PCBP3: variants seen among roughly 807,000 people sequenced by gnomAD.
The protein encoded by PCBP3 is poly(rC)-binding protein 3.
A neutral mutation model predicts 52.7 loss-of-function variants in PCBP3; 25 were observed. The observed-to-expected ratio is 0.47, with a 90% confidence interval of 0.35 to 0.66. The LOEUF (loss-of-function observed/expected upper bound fraction) is 0.66, where lower values mean the gene tolerates loss of function less well. Among genes scored for constraint, PCBP3 ranks in the 30% least tolerant of loss-of-function variants. PCBP3 has a pLI of 0.01. For missense variants in PCBP3, 391 were observed against 490.3 expected (o/e 0.80, Z 1.91); for synonymous variants, 162 against 183.0 (o/e 0.89, Z 0.93).
At chr21:45,669,843 A>C (rs552066700) in intron 2 of PCBP3, among the ~76,000 whole-genome samples, 15 of 123,466 alleles carry the variant, frequency 1.2e-4, no homozygotes, top group Admixed American at 6.5e-4. Context: ...ATATATATAT[A>C]TATCACATTT....
chr21:45,785,029 C>T (rs1383455091), intron 4 of PCBP3, among the ~76,000 whole-genome samples: 12 of 151,476 alleles, frequency 7.9e-5, no homozygotes, highest in South Asian at 4.2e-4. Context: ...CGTCTCTGCC[C>T]GGCCGCCCAT....
intron 2 of PCBP3, among the ~76,000 whole-genome samples, chr21:45,680,017 A>G (rs2147505739): frequency 6.6e-6 from 1 of 152,330 alleles, no homozygotes; most frequent in South Asian, 2.1e-4. Flanking sequence ...CTCCAAAATC[A>G]TTTGGGCACC....
intron 4 of PCBP3, among the ~76,000 whole-genome samples, chr21:45,839,728 C>T (rs922398868): frequency 1.3e-5 from 2 of 152,100 alleles, no homozygotes; most frequent in African/African-American, 4.8e-5. Flanking sequence ...ACTTTGTTGC[C>T]CAGGCTGGAG....
At chr21:45,784,399 T>C (rs1166653475) in intron 4 of PCBP3, among the ~76,000 whole-genome samples, 4 of 141,418 alleles carry the variant, frequency 2.8e-5, no homozygotes, top group African/African-American at 1.2e-4. Context: ...CCTCTACCGC[T>C]ACCTCTACCG....
chr21:45,723,012 CAA>C (rs201388146), intron 2 of PCBP3, among the ~76,000 whole-genome samples: 2 of 136,812 alleles, frequency 1.5e-5, no homozygotes, highest in African/African-American at 5.4e-5. Context: ...AGACCCGTCT[CAA>C]AAAAAAAAAA....
chr21:45,931,980 T>C (rs56284505), intron 15 of PCBP3, among the ~76,000 whole-genome samples: 10 of 151,392 alleles, frequency 6.6e-5, no homozygotes, highest in South Asian at 4.2e-4. Flanking sequence ...AACGAACACC[T>C]GGGCCATGCT....
intron 4 of PCBP3, among the ~76,000 whole-genome samples, chr21:45,778,913 G>A (rs997836226): frequency 4.6e-5 from 7 of 152,154 alleles, no homozygotes; most frequent in African/African-American, 1.4e-4. Flanking sequence ...TGGAGCAGGT[G>A]GGTCCATCCT....
chr21:45,719,203 C>G (rs2084441818), intron 2 of PCBP3, among the ~76,000 whole-genome samples: 1 of 152,054 alleles, frequency 6.6e-6, no homozygotes, highest in African/African-American at 2.4e-5. Flanking sequence ...TTGGCTTTAC[C>G]TCAGAATTAG....
chr21:45,770,585 C>T (rs2089780774), intron 4 of PCBP3, among the ~76,000 whole-genome samples: 1 of 152,218 alleles, frequency 6.6e-6, no homozygotes, highest in South Asian at 2.1e-4. Flanking sequence ...GTCTTGCCTT[C>T]TTCCCAGCGT....
intron 2 of PCBP3, among the ~76,000 whole-genome samples, chr21:45,691,458 G>GTATGTA (rs201283940): frequency 5.5e-5 from 1 of 18,090 alleles, no homozygotes; most frequent in Non-Finnish European, 1.1e-4. Context: ...ATGTATGTAT[G>GTATGTA]TGTGTGTGTG....
At chr21:45,934,605 C>A (rs1345651197) in intron 15 of PCBP3, among the ~76,000 whole-genome samples, 1 of 152,206 alleles carries the variant, frequency 6.6e-6, no homozygotes, top group African/African-American at 2.4e-5. Flanking sequence ...CTCCTTGCTC[C>A]AAATTGGAAG....
intron 4 of PCBP3, among the ~76,000 whole-genome samples, chr21:45,799,367 A>T (rs2037342001): frequency 6.6e-6 from 1 of 152,194 alleles, no homozygotes; most frequent in Non-Finnish European, 1.5e-5. Context: ...GTATAGTGAG[A>T]TATCTTGAGA....
At position 45,906,582 on chromosome 21, in the gene PCBP3, G is replaced by A. The variant is rs149209094; in HGVS notation, c.340-2773G>A. Among the ~76,000 whole-genome samples the A allele has an allele frequency of 1.8e-3, 276 of 152,248 alleles. 1 individual carries two copies. The highest frequency in any genetic ancestry group is 6.4e-3 in the African/African-American group (264 of 41,534). Reference sequence around the variant, plus strand: ...TCGGAGCCTTTAGAGGCTCTGCCCCGGTCATTTTGCCTGTGTTAGTGGGAT... The same window carrying A: ...TCGGAGCCTTTAGAGGCTCTGCCCCAGTCATTTTGCCTGTGTTAGTGGGAT... On this transcript the variant is annotated intron_variant, in intron 9 of 17. Coordinates refer to ENST00000681687, the MANE Select transcript of PCBP3 (RefSeq NM_001384156.1).
intron 14 of PCBP3, 112 bp from the exon 15 acceptor site, chr21:45,930,674 A>G: frequency 1.7e-6 from 1 of 597,100 alleles, no homozygotes; most frequent in Non-Finnish European, 3.1e-6. Context: ...GGCTGTGGCC[A>G]GAGAGAGCGC....
At chr21:45,899,003 C>T (rs1249280484) in intron 6 of PCBP3, among the ~76,000 whole-genome samples, 1 of 148,118 alleles carries the variant, frequency 6.8e-6, no homozygotes, top group Non-Finnish European at 1.5e-5. Context: ...TTGCTGGCCC[C>T]GCTTCAGGTG....
chr21:45,743,823 A>G (rs907894875), intron 3 of PCBP3, among the ~76,000 whole-genome samples: 8 of 152,112 alleles, frequency 5.3e-5, no homozygotes, highest in African/African-American at 1.9e-4. Context: ...CTTTCATAAC[A>G]TGATTTGAGA....
Position 45,665,455 on chromosome 21 carries a change from C to T in PCBP3, c.-278-3419C>T, listed in dbSNP as rs73376631. ...ATTTTTGTTAGTTAATTTTGTATCC[C>T]GAAACTCTACTGAATTCATTTATCA... On this transcript the variant is annotated intron_variant, in intron 1 of 17. Coordinates refer to ENST00000681687, the MANE Select transcript of PCBP3 (RefSeq NM_001384156.1). 4.9e-3 allele frequency among the ~76,000 whole-genome samples: 751 copies of T among 152,004 alleles called. 7 individuals are homozygous for T. The highest frequency in any genetic ancestry group is 0.017 in the African/African-American group (684 of 41,450).
intron 9 of PCBP3, among the ~76,000 whole-genome samples, chr21:45,903,736 C>T (rs888966511): frequency 6.6e-6 from 1 of 152,176 alleles, no homozygotes; most frequent in Non-Finnish European, 1.5e-5. Flanking sequence ...TGAAACAAAT[C>T]AGACAGAGGT....
intron 2 of PCBP3, among the ~76,000 whole-genome samples, chr21:45,701,616 A>G (rs1265731518): frequency 2.0e-5 from 3 of 152,204 alleles, no homozygotes; most frequent in Admixed American, 6.5e-5. Context: ...GCTGGAGTGC[A>G]GTGGCACAAT....
Sources: gnomAD v4.1 joint callset for allele counts (sites outside exome capture counted in the v4.1 genomes callset) on GRCh38, gnomAD v4.1.1 for gene constraint, MANE v1.5 for transcripts, NCBI Gene and HGNC (gene_info 2026-07-23, HGNC 2026-07-21) for gene names.